The following IL19 variants were observed in gnomAD, a reference collection of about 807,000 sequenced individuals.
IL19 encodes interleukin 19, also known as interleukin-19.
A neutral mutation model predicts 19.5 loss-of-function variants in IL19; 15 were observed. That is an observed-to-expected ratio of 0.77 (90% CI 0.52 to 1.19). The LOEUF (loss-of-function observed/expected upper bound fraction) is 1.19, where lower values mean the gene tolerates loss of function less well. Among genes scored for constraint, IL19 ranks in the 50% most tolerant of loss-of-function variants. The probability of loss-of-function intolerance (pLI) is 0.00; values close to 1 mark genes in which losing one functional copy is unlikely to be tolerated. For synonymous variants in IL19, 78 were observed against 78.3 expected (o/e 1.00, Z 0.02); for missense variants, 199 against 213.1 (o/e 0.93, Z 0.41).
Position 206,837,927 on chromosome 1 carries a change from C to G in IL19, c.210+904C>G, listed in dbSNP as rs180916651. Reference sequence around the variant, plus strand: ...TCCCTGGGAGGAATTAAAGAAGTGCCGCTTCCTAGAGAGTGATTGGGAGCT... The same window carrying G: ...TCCCTGGGAGGAATTAAAGAAGTGCGGCTTCCTAGAGAGTGATTGGGAGCT... On this transcript the variant is annotated intron_variant, in intron 4 of 6. Transcript: ENST00000659997. Among the ~76,000 whole-genome samples, 233 of 152,076 alleles carry G rather than the reference C, an allele frequency of 1.5e-3. 1 individual carries two copies. Among genetic ancestry groups the G allele is most frequent in the Non-Finnish European group, 2.6e-3 (174 of 67,960 alleles).
intron 2 of IL19, among the ~76,000 whole-genome samples, chr1:206,804,049 T>C (rs1432113426): frequency 6.6e-6 from 1 of 152,226 alleles, no homozygotes; most frequent in Non-Finnish European, 1.5e-5. Context: ...TTCCCTTTCT[T>C]GCTCTCTGTA....
chr1:206,831,234 G>T (rs1245032323), intron 2 of IL19, among the ~76,000 whole-genome samples: 1 of 152,192 alleles, frequency 6.6e-6, no homozygotes, highest in Non-Finnish European at 1.5e-5. Flanking sequence ...AGACATGAGA[G>T]AGTTGTGTCC....
chr1:206,822,463 T>C (rs927052946), intron 2 of IL19, among the ~76,000 whole-genome samples: 1 of 152,224 alleles, frequency 6.6e-6, no homozygotes, highest in African/African-American at 2.4e-5. Flanking sequence ...CTGATCCTCA[T>C]AACCCTCATT....
At chr1:206,781,372 G>A (rs1280973806) in intron 1 of IL19, among the ~76,000 whole-genome samples, 1 of 127,580 alleles carries the variant, frequency 7.8e-6, no homozygotes, top group Non-Finnish European at 1.6e-5. Flanking sequence ...CAGAGATCGC[G>A]CCACTGTGCT....
chr1:206,836,018 G>T (rs898279587), intron 2 of IL19, among the ~76,000 whole-genome samples: 1 of 152,194 alleles, frequency 6.6e-6, no homozygotes, highest in African/African-American at 2.4e-5. Flanking sequence ...GTGACCGACG[G>T]GAAGTTGCCA....
intron 2 of IL19, among the ~76,000 whole-genome samples, chr1:206,806,636 T>C (rs966689137): frequency 6.6e-6 from 1 of 152,156 alleles, no homozygotes; most frequent in Non-Finnish European, 1.5e-5. Context: ...CAGTAAAAAA[T>C]GTATCACAAT....
intron 1 of IL19, among the ~76,000 whole-genome samples, chr1:206,781,610 T>C (rs1398104365): frequency 6.6e-6 from 1 of 151,334 alleles, no homozygotes; most frequent in South Asian, 2.1e-4. Flanking sequence ...CACATGAAGA[T>C]GCAGTTGCTT....
At chr1:206,776,971 C>T (rs569232647) in intron 1 of IL19, among the ~76,000 whole-genome samples, 93 of 150,432 alleles carry the variant, frequency 6.2e-4, no homozygotes, top group Middle Eastern at 3.5e-3. Context: ...GTGGCTCACG[C>T]CTGTAATCCC....
chr1:206,828,914 C>T (rs1013740391), intron 2 of IL19: 2 of 151,700 alleles, frequency 1.3e-5, no homozygotes, highest in African/African-American at 4.8e-5. Context: ...AGACTGCAGT[C>T]TTCAACTCCT....
At chr1:206,788,067 A>G (rs1004444625) in intron 1 of IL19, among the ~76,000 whole-genome samples, 25 of 152,146 alleles carry the variant, frequency 1.6e-4, no homozygotes, top group African/African-American at 5.8e-4. Context: ...ATGGTTGGGG[A>G]AACACACTGG....
intron 2 of IL19, among the ~76,000 whole-genome samples, chr1:206,819,894 G>A (rs753255021): frequency 4.6e-5 from 7 of 152,124 alleles, no homozygotes; most frequent in Admixed American, 2.0e-4. Context: ...TCCAAGGGTC[G>A]CAGTTACTAA....
At chr1:206,809,084 A>G in intron 2 of IL19, among the ~76,000 whole-genome samples, 1 of 152,166 alleles carries the variant, frequency 6.6e-6, no homozygotes. Flanking sequence ...GTATATGTTG[A>G]TCATGATGTC....
chr1:206,840,212 C>A (rs1031015256), intron 5 of IL19: 1 of 701,554 alleles, frequency 1.4e-6, no homozygotes, highest in Non-Finnish European at 2.6e-6. Context: ...CAGATGGTCT[C>A]CTCCTAGATA....
At chr1:206,833,593 A>G (rs1676682903) in intron 2 of IL19, 1 of 845,732 alleles carries the variant, frequency 1.2e-6, no homozygotes, top group South Asian at 5.4e-5. Flanking sequence ...ATCCCTAGAG[A>G]ACTTCTTGGT....
At chr1:206,800,671 C>A (rs1217075139) in intron 2 of IL19, among the ~76,000 whole-genome samples, 1 of 152,096 alleles carries the variant, frequency 6.6e-6, no homozygotes, top group Non-Finnish European at 1.5e-5. Context: ...CAGATGAAGT[C>A]ATTTATCTGG....
At chr1:206,804,343 G>C (rs1432377413) in intron 2 of IL19, among the ~76,000 whole-genome samples, 1 of 152,218 alleles carries the variant, frequency 6.6e-6, no homozygotes, top group Non-Finnish European at 1.5e-5. Context: ...TTCCAACACA[G>C]ACATTCCCTG....
intron 4 of IL19, among the ~76,000 whole-genome samples, chr1:206,838,278 C>T (rs1676866620): frequency 6.6e-6 from 1 of 152,166 alleles, no homozygotes; most frequent in Admixed American, 6.5e-5. Flanking sequence ...TAAAAGAGAG[C>T]TCCTCCAGTC....
intron 1 of IL19, among the ~76,000 whole-genome samples, chr1:206,775,133 C>T (rs557620188): frequency 3.2e-4 from 48 of 152,030 alleles, no homozygotes; most frequent in African/African-American, 1.1e-3. Context: ...CTCTGCCTCC[C>T]GAGTTCAAGC....
chr1:206,815,888 G>A (rs1418426758), intron 2 of IL19, among the ~76,000 whole-genome samples: 2 of 152,150 alleles, frequency 1.3e-5, no homozygotes, highest in Non-Finnish European at 1.5e-5. Flanking sequence ...GCAAAATGAT[G>A]TACAGCAGGC....
Sources: allele counts gnomAD v4.1 joint callset (sites outside exome capture counted in the v4.1 genomes callset), GRCh38; gene constraint gnomAD v4.1.1; transcripts MANE v1.5; gene names NCBI Gene and HGNC (gene_info 2026-07-23, HGNC 2026-07-21).